Variants in PASD1 observed in about 807,000 individuals in gnomAD.
PASD1 encodes circadian clock protein PASD1.
In PASD1, 13 loss-of-function variants were observed where a neutral mutation model predicts 58.8. The ratio of observed to expected loss-of-function variants is 0.22; its 90% CI spans 0.14 to 0.35. The LOEUF (loss-of-function observed/expected upper bound fraction) is 0.35. Among genes scored for constraint, PASD1 ranks in the 10% least tolerant of loss-of-function variants. PASD1 has a pLI of 1.00. For synonymous variants in PASD1, 236 were observed against 216.7 expected (o/e 1.09, Z -0.78); for missense variants, 734 against 568.3 (o/e 1.29, Z -2.96).
At chrX:151,633,836 A>T (rs1337232640) in intron 8 of PASD1, among the ~76,000 whole-genome samples, 5 of 112,436 alleles carry the variant, frequency 4.4e-5, no homozygotes, top group Non-Finnish European at 9.4e-5. Context: ...AAAAACTGGG[A>T]CAAATTATCT....
intron 2 of PASD1, 72 bp downstream of exon 2, chrX:151,601,653 A>C: frequency 9.4e-7 from 1 of 1,065,028 alleles, no homozygotes; most frequent in Admixed American, 2.3e-5. Flanking sequence ...TTTCACATCT[A>C]GCAAAATGCT....
At chrX:151,656,489 A>G (rs889400910) in intron 9 of PASD1, among the ~76,000 whole-genome samples, 2 of 111,804 alleles carry the variant, frequency 1.8e-5, no homozygotes, top group Non-Finnish European at 3.8e-5. Context: ...CCTATCCATG[A>G]GGGTAGAATG....
chrX:151,564,827 A>G (rs1386601449), intron 1 of PASD1, among the ~76,000 whole-genome samples: 1 of 111,469 alleles, frequency 9.0e-6, no homozygotes, highest in Non-Finnish European at 1.9e-5. Context: ...GTCATGAATG[A>G]ACCACGGCAC....
intron 8 of PASD1, among the ~76,000 whole-genome samples, chrX:151,633,012 A>G (rs1211569405): frequency 8.9e-6 from 1 of 112,394 alleles, no homozygotes; most frequent in African/African-American, 3.2e-5. Flanking sequence ...TGCAGACACC[A>G]TTAACTACAA....
At chrX:151,631,085 A>G (rs181295090) in intron 8 of PASD1, among the ~76,000 whole-genome samples, 195 of 112,573 alleles carry the variant, frequency 1.7e-3, no homozygotes, top group Non-Finnish European at 3.1e-3. Context: ...GGATTTGCCC[A>G]GTTGCATGTA....
chrX:151,612,830 C>T (rs1299746475), intron 4 of PASD1, among the ~76,000 whole-genome samples: 2 of 111,875 alleles, frequency 1.8e-5, no homozygotes, highest in Non-Finnish European at 3.8e-5. Context: ...AATTAGATTC[C>T]ATTTGTCAAT....
chrX:151,599,549 G>A (rs1283173833), intron 1 of PASD1, among the ~76,000 whole-genome samples: 5 of 110,460 alleles, frequency 4.5e-5, no homozygotes, highest in Admixed American at 9.4e-5. Context: ...CTTCTCAGAC[G>A]GGGCGGCCGG....
At chrX:151,579,630 T>C (rs955347196) in intron 1 of PASD1, among the ~76,000 whole-genome samples, 3 of 112,106 alleles carry the variant, frequency 2.7e-5, no homozygotes, top group African/African-American at 9.7e-5. Flanking sequence ...CTTTAACTAA[T>C]ATTAAAACAT....
rs765544793 is a variant in PASD1 at position 151,625,586 on chromosome X, G to A, written c.629+56G>A. The A allele has an allele frequency of 9.2e-5, 85 of 920,397 alleles. No individual in the cohort carries two copies. The South Asian group carries it at 1.7e-3, about 18-fold the overall frequency. 75.9% of individuals were successfully genotyped at this position (920,397 alleles called of 1,213,427 possible). ...GATCTAGAATTCAATTTTACTAAAC[G>A]AAACTAAAACAAGAGAAATAACACC... On this transcript the variant is annotated intron_variant, in intron 8 of 15. Coordinates refer to ENST00000370357, the MANE Select transcript of PASD1 (RefSeq NM_173493.3).
intron 11 of PASD1, among the ~76,000 whole-genome samples, chrX:151,668,745 C>A (rs113404072): frequency 9.1e-6 from 1 of 109,318 alleles, no homozygotes; most frequent in Admixed American, 9.8e-5. Flanking sequence ...AAGTCCAGGA[C>A]CAGATGGATT....
chrX:151,572,487 A>C (rs1213194504), intron 1 of PASD1, among the ~76,000 whole-genome samples: 2 of 112,261 alleles, frequency 1.8e-5, no homozygotes, highest in Non-Finnish European at 3.8e-5. Flanking sequence ...GGAAACCTTA[A>C]TAAATACGGA....
intron 14 of PASD1, 86 bp from the exon 15 acceptor site, chrX:151,673,842 T>G (rs1329953764): frequency 9.0e-7 from 1 of 1,116,339 alleles, no homozygotes; most frequent in Non-Finnish European, 1.2e-6. Context: ...CAAATGTGCC[T>G]GAAGCACCTA....
In PASD1 at chrX:151,602,806, C is replaced by T. The variant is rs2013437189; in HGVS notation, c.28+1225C>T. Among the ~76,000 whole-genome samples the T allele has an allele frequency of 2.7e-5, 3 of 111,970 alleles. No homozygotes were observed. In the South Asian group the frequency reaches 1.2e-3, roughly 43 times the overall value. ...ATATACCCTACATGATCTGGCCCTT[C>T]CTGTCTCTCAGGCTTCACTTCCTAC... On this transcript the variant is annotated intron_variant, in intron 2 of 15. Transcript: ENST00000370357.
At chrX:151,665,701 G>A (rs1468133883) in intron 11 of PASD1, among the ~76,000 whole-genome samples, 1 of 111,369 alleles carries the variant, frequency 9.0e-6, no homozygotes, top group African/African-American at 3.3e-5. Flanking sequence ...TCTCAAAATA[G>A]CAAGTCCTCT....
intron 8 of PASD1, among the ~76,000 whole-genome samples, chrX:151,634,254 T>A (rs2013902391): frequency 1.8e-5 from 2 of 111,386 alleles, no homozygotes; most frequent in African/African-American, 6.5e-5. Context: ...TCCCCATCTT[T>A]TCTTCCCTCT....
chrX:151,589,500 T>C (rs750363173), intron 1 of PASD1, among the ~76,000 whole-genome samples: 1 of 112,340 alleles, frequency 8.9e-6, no homozygotes, highest in African/African-American at 3.2e-5. Context: ...CCATAATTTA[T>C]TGGGTGGTTG....
intron 1 of PASD1, among the ~76,000 whole-genome samples, chrX:151,599,315 C>T (rs1328747955): frequency 3.5e-5 from 4 of 112,946 alleles, no homozygotes; most frequent in Non-Finnish European, 3.8e-5. Flanking sequence ...CATCATGGCC[C>T]GTTCTCAATG....
chrX:151,589,817 G>T (rs144581644), intron 1 of PASD1, among the ~76,000 whole-genome samples: 3,864 of 111,925 alleles, frequency 0.035, 118 homozygotes, highest in African/African-American at 0.095. Flanking sequence ...TAAAAAAAAT[G>T]TACTTGCTCA....
rs1488418313 is a variant in PASD1 at position 151,653,194 on chromosome X, A to T, written c.717+4492A>T. 2.8e-3 allele frequency among the ~76,000 whole-genome samples: 248 copies of T among 89,315 alleles called. 3 individuals carry two copies. The East Asian group carries it at 0.042, about 15-fold the overall frequency. The allele number at this position is 89,315 out of a possible 115,157, so 77.6% of individuals were successfully genotyped here. ...TGTGTGTGTGTGTATATATATATAT[A>T]TATTTTTTTTTTTTTGAGATAAAGT... On this transcript the variant is annotated intron_variant, in intron 9 of 15. Transcript: ENST00000370357.
Sources: gnomAD v4.1 joint callset for allele counts (sites outside exome capture counted in the v4.1 genomes callset) on GRCh38, gnomAD v4.1.1 for gene constraint, MANE v1.5 for transcripts, NCBI Gene and HGNC (gene_info 2026-07-23, HGNC 2026-07-21) for gene names.